Variants in TEKT5 observed in about 807,000 individuals in gnomAD.
TEKT5 encodes the protein tektin 5, also known as tektin-5.
A neutral mutation model predicts 48.7 loss-of-function variants in TEKT5; 52 were observed. The observed-to-expected ratio is 1.07, with a 90% CI of 0.86 to 1.35. The LOEUF (loss-of-function observed/expected upper bound fraction) is 1.35, where lower values mean the gene tolerates loss of function less well. TEKT5 is among the 40% of genes most tolerant of loss of function. The pLI is 0.00. For missense variants in TEKT5, 831 were observed against 641.6 expected, an observed-to-expected ratio of 1.30 and a Z score of -3.19; for synonymous variants, 318 against 267.6, an observed-to-expected ratio of 1.19 and a Z score of -1.84.
Position 10,690,484 on chromosome 16 carries a change from G to A in TEKT5, c.565-459C>T, listed in dbSNP as rs558695726. ...GGCAAACTGCTTAACCTCTCTGCTG[G>A]TTTCCTCCTCTGCAGATGGGTGCCA... On this transcript the variant is annotated intron_variant, in intron 1 of 6. Coordinates refer to ENST00000283025, the MANE Select transcript of TEKT5 (RefSeq NM_144674.2). 7 of 819,862 alleles carry A rather than the reference G, an allele frequency of 8.5e-6. No homozygotes were observed. In the African/African-American group the frequency reaches 1.1e-4, roughly 13 times the overall value. 50.8% of individuals were successfully genotyped at this position (819,862 alleles called of 1,614,324 possible).
chr16:10,637,932 T>G (rs1897939363), intron 5 of TEKT5, among the ~76,000 whole-genome samples: 1 of 152,202 alleles, frequency 6.6e-6, no homozygotes, highest in South Asian at 2.1e-4. Context: ...CGCCTCAGCC[T>G]GGCAAGTAAC....
intron 5 of TEKT5, among the ~76,000 whole-genome samples, chr16:10,664,825 TCAG>T (rs1898431955): frequency 6.6e-6 from 1 of 152,224 alleles, no homozygotes; most frequent in South Asian, 2.1e-4. Context: ...CCCTCCCACA[TCAG>T]CAGATGAGAA....
intron 1 of TEKT5, chr16:10,693,018 G>A (rs1899008838): frequency 6.6e-6 from 1 of 152,242 alleles, no homozygotes; most frequent in Non-Finnish European, 1.5e-5. Context: ...TATCCTAACT[G>A]AGCAGGGAGA....
chr16:10,649,269 C>T (rs1488895048), intron 5 of TEKT5, among the ~76,000 whole-genome samples: 1 of 151,750 alleles, frequency 6.6e-6, no homozygotes, highest in East Asian at 1.9e-4. Flanking sequence ...CAAGTGTGTG[C>T]CACCATGCCT....
Position 10,694,731 on chromosome 16 carries a change from T to G in TEKT5, c.143A>C (p.Asn48Thr). 6.2e-7 allele frequency: 1 copy of G among 1,614,096 alleles called. No individual in the cohort carries two copies. The highest frequency in any genetic ancestry group is 1.3e-5 in the African/African-American group (1 of 75,026). ...GTAGAAGAGGCTAGGCCTCCATGAA[T>G]TGAGGTAGCGGTACCCGGGCAGGTA... is the stretch of plus-strand genomic sequence containing the variant. ...PYYLPGYRYL[N>T]SWRPSLFYKI... Residue 48 changes from asparagine to threonine, a missense_variant, in exon 1 of 7, where the codon AAT becomes ACT. Transcript: ENST00000283025.
chr16:10,657,642 T>A (rs1429642175), intron 5 of TEKT5, among the ~76,000 whole-genome samples: 15 of 150,316 alleles, frequency 1.0e-4, no homozygotes, highest in Non-Finnish European at 3.0e-5. Flanking sequence ...CAGGCTGGAG[T>A]GCAGTGGCGC....
intron 2 of TEKT5, among the ~76,000 whole-genome samples, chr16:10,689,584 T>C (rs1898929739): frequency 6.6e-6 from 1 of 151,056 alleles, no homozygotes; most frequent in Non-Finnish European, 1.5e-5. Flanking sequence ...AAAAGAAAAT[T>C]TAGCACCTAC....
intron 4 of TEKT5, among the ~76,000 whole-genome samples, chr16:10,677,827 C>A (rs899557790): frequency 7.0e-6 from 1 of 143,134 alleles, no homozygotes; most frequent in East Asian, 2.0e-4. Flanking sequence ...CTGAAACCAT[C>A]TGGAAACCAA....
chr16:10,634,851 C>CA (rs765232624), intron 6 of TEKT5, among the ~76,000 whole-genome samples: 108 of 152,264 alleles, frequency 7.1e-4, no homozygotes, highest in Non-Finnish European at 1.5e-3. Flanking sequence ...GAACCTTCCC[C>CA]AGTCCAGCCT....
intron 1 of TEKT5, among the ~76,000 whole-genome samples, chr16:10,691,070 C>T (rs11074916): frequency 0.44 from 66,712 of 152,082 alleles, 15,003 homozygotes; most frequent in East Asian, 0.62. Context: ...CTGGGCACAG[C>T]GCCTCCTTCA....
intron 5 of TEKT5, among the ~76,000 whole-genome samples, chr16:10,675,454 G>A (rs940954179): frequency 1.3e-4 from 20 of 152,150 alleles, no homozygotes; most frequent in Non-Finnish European, 2.9e-5. Flanking sequence ...GGCATAGCAC[G>A]CAGACGACAG....
At chr16:10,684,245 T>G (rs1898813551) in intron 3 of TEKT5, among the ~76,000 whole-genome samples, 1 of 151,920 alleles carries the variant, frequency 6.6e-6, no homozygotes, top group Non-Finnish European at 1.5e-5. Context: ...CTAAACCGAG[T>G]GTATCTGTTC....
At position 10,656,711 on chromosome 16, in the gene TEKT5, G is replaced by C. The variant is rs151033129; in HGVS notation, c.1086+19248C>G. 1.2e-4 allele frequency among the ~76,000 whole-genome samples: 18 copies of C among 152,334 alleles called. No individual in the cohort carries two copies. The East Asian group carries it at 3.5e-3, about 29-fold the overall frequency. On this transcript the variant is annotated intron_variant, in intron 5 of 6. Transcript: ENST00000283025. ...CATTTAGGTTATACTGATCTCTCTA[G>C]AAAGGTATTCAACTGGGTACATGCA... is the stretch of plus-strand genomic sequence containing the variant.
At chr16:10,654,724 G>A (rs1430409407) in intron 5 of TEKT5, among the ~76,000 whole-genome samples, 2 of 152,056 alleles carry the variant, frequency 1.3e-5, no homozygotes, top group Non-Finnish European at 2.9e-5. Context: ...TACACCACCA[G>A]GTTTCCTGGG....
chr16:10,674,771 C>T (rs1037216365), intron 5 of TEKT5, among the ~76,000 whole-genome samples: 1 of 151,770 alleles, frequency 6.6e-6, no homozygotes, highest in Non-Finnish European at 1.5e-5. Flanking sequence ...ACCCTGCCTG[C>T]AGCCCACTAA....
chr16:10,635,231 T>C (rs1438410730), intron 6 of TEKT5, among the ~76,000 whole-genome samples: 1 of 137,164 alleles, frequency 7.3e-6, no homozygotes, highest in Non-Finnish European at 1.5e-5. Flanking sequence ...TTGACCCCTG[T>C]CCTGTGAGAA....
intron 6 of TEKT5, among the ~76,000 whole-genome samples, chr16:10,635,270 T>C (rs963374560): frequency 3.3e-5 from 5 of 149,864 alleles, no homozygotes; most frequent in Non-Finnish European, 3.0e-5. Context: ...ACCAGCCTCT[T>C]TAGCACAGCA....
intron 1 of TEKT5, 141 bp from the exon 2 acceptor site, chr16:10,690,166 A>T: frequency 1.3e-6 from 1 of 758,146 alleles, no homozygotes; most frequent in South Asian, 1.8e-5. Flanking sequence ...ACTACTGGGC[A>T]TTGGATGGGC....
At chr16:10,655,333 A>G (rs1337484183) in intron 5 of TEKT5, among the ~76,000 whole-genome samples, 2 of 152,000 alleles carry the variant, frequency 1.3e-5, no homozygotes, top group African/African-American at 4.8e-5. Context: ...ACCCACCGGA[A>G]CTCCTGGTTC....
Sources: allele counts gnomAD v4.1 joint callset (sites outside exome capture counted in the v4.1 genomes callset), GRCh38; gene constraint gnomAD v4.1.1; transcripts MANE v1.5; gene names NCBI Gene and HGNC (gene_info 2026-07-23, HGNC 2026-07-21).